The following PCDH7 variants were observed in gnomAD, a reference collection of about 807,000 sequenced individuals.
PCDH7 encodes protocadherin 7, also known as protocadherin-7.
In PCDH7, 17 loss-of-function variants were observed where a neutral mutation model predicts 58.9. The observed-to-expected ratio is 0.29, with a 90% CI of 0.20 to 0.43. The LOEUF (loss-of-function observed/expected upper bound fraction) is 0.43, where lower values mean the gene tolerates loss of function less well. Among genes scored for constraint, PCDH7 ranks in the 20% least tolerant of loss-of-function variants. The probability of loss-of-function intolerance (pLI) is 1.00; values close to 1 mark genes in which losing one functional copy is unlikely to be tolerated. For missense variants in PCDH7, 1,274 were observed against 1,441.0 expected, an observed-to-expected ratio of 0.88 and a Z score of 1.88; for synonymous variants, 664 against 616.4, an observed-to-expected ratio of 1.08 and a Z score of -1.14.
intron 1 of PCDH7, among the ~76,000 whole-genome samples, chr4:30,743,229 CAG>C (rs1489220542): frequency 1.3e-5 from 2 of 151,962 alleles, no homozygotes; most frequent in Non-Finnish European, 2.9e-5. Flanking sequence ...CCAAAAATAG[CAG>C]AGTTACATTG....
intron 3 of PCDH7, among the ~76,000 whole-genome samples, chr4:30,950,659 A>G (rs1403715018): frequency 1.3e-5 from 2 of 152,220 alleles, no homozygotes; most frequent in African/African-American, 4.8e-5. Context: ...GCACATAATT[A>G]TAATACTCAT....
At chr4:31,023,067 C>G (rs916311193) in intron 3 of PCDH7, among the ~76,000 whole-genome samples, 1 of 152,150 alleles carries the variant, frequency 6.6e-6, no homozygotes, top group African/African-American at 2.4e-5. Context: ...CAAATGTTTG[C>G]AATGGACATT....
At chr4:30,977,229 T>C (rs565786098) in intron 3 of PCDH7, among the ~76,000 whole-genome samples, 21 of 152,320 alleles carry the variant, frequency 1.4e-4, no homozygotes, top group African/African-American at 4.8e-4. Context: ...TTCTATTCTC[T>C]GGGCCACTTT....
intron 1 of PCDH7, among the ~76,000 whole-genome samples, chr4:30,894,708 G>C (rs935937688): frequency 6.7e-5 from 10 of 149,412 alleles, no homozygotes; most frequent in African/African-American, 2.5e-4. Context: ...AGAAAATTCA[G>C]ATGTTTTTAT....
chr4:30,784,758 G>A (rs759058394), intron 1 of PCDH7, among the ~76,000 whole-genome samples: 20 of 151,914 alleles, frequency 1.3e-4, no homozygotes, highest in Admixed American at 6.6e-4. Flanking sequence ...GAAATTTTAG[G>A]TTGTTAGACT....
chr4:31,038,719 T>C (rs933582158), intron 3 of PCDH7, among the ~76,000 whole-genome samples: 6 of 152,226 alleles, frequency 3.9e-5, no homozygotes, highest in Non-Finnish European at 8.8e-5. Flanking sequence ...ATTTTCAATT[T>C]ATGTTGTATG....
intron 2 of PCDH7, among the ~76,000 whole-genome samples, chr4:30,946,336 A>G (rs1396294831): frequency 6.6e-6 from 1 of 152,146 alleles, no homozygotes; most frequent in Non-Finnish European, 1.5e-5. Flanking sequence ...ATATATTAAC[A>G]TATTGCATAT....
intron 3 of PCDH7, among the ~76,000 whole-genome samples, chr4:31,064,789 C>A (rs1757952757): frequency 6.6e-6 from 1 of 151,934 alleles, no homozygotes; most frequent in Non-Finnish European, 1.5e-5. Context: ...TGAATAACAG[C>A]AAATTATGAG....
intron 3 of PCDH7, among the ~76,000 whole-genome samples, chr4:31,038,785 G>C (rs541520412): frequency 2.0e-5 from 3 of 152,062 alleles, no homozygotes; most frequent in Non-Finnish European, 4.4e-5. Context: ...ATGGACATTA[G>C]AATCCTTTCT....
chr4:31,020,217 A>G (rs964873956), intron 3 of PCDH7, among the ~76,000 whole-genome samples: 10 of 152,206 alleles, frequency 6.6e-5, no homozygotes, highest in Admixed American at 4.6e-4. Flanking sequence ...GAAAATCCCA[A>G]CACAGGTCAG....
At chr4:31,034,094 A>AAAACAAAC (rs10660538) in intron 3 of PCDH7, among the ~76,000 whole-genome samples, 31 of 151,476 alleles carry the variant, frequency 2.0e-4, no homozygotes, top group African/African-American at 5.6e-4. Flanking sequence ...ACTCTGTCTC[A>AAAACAAAC]AAACAAACAA....
At chr4:31,007,274 G>T (rs1184539693) in intron 3 of PCDH7, among the ~76,000 whole-genome samples, 3 of 151,542 alleles carry the variant, frequency 2.0e-5, no homozygotes, top group African/African-American at 7.3e-5. Context: ...AACTTAGTTA[G>T]TGTTTTTAAA....
intron 3 of PCDH7, among the ~76,000 whole-genome samples, chr4:31,050,103 C>CAGTTCCTT (rs1196499319): frequency 6.6e-6 from 1 of 152,058 alleles, no homozygotes; most frequent in African/African-American, 2.4e-5. Flanking sequence ...CAGGACTCAG[C>CAGTTCCTT]AGTTCCTTTT....
chr4:30,900,837 T>C (rs761976085), intron 1 of PCDH7, among the ~76,000 whole-genome samples: 1 of 152,118 alleles, frequency 6.6e-6, no homozygotes, highest in East Asian at 1.9e-4. Context: ...AAGTCAGGAA[T>C]GGCACTCTAT....
intron 1 of PCDH7, among the ~76,000 whole-genome samples, chr4:30,905,231 G>A (rs1191859005): frequency 2.6e-5 from 4 of 151,894 alleles, no homozygotes; most frequent in Admixed American, 2.0e-4. Flanking sequence ...TTGGTTTTTT[G>A]TCCTTGTTTA....
At chr4:31,093,380 A>C (rs576722305) in intron 3 of PCDH7, among the ~76,000 whole-genome samples, 4 of 152,250 alleles carry the variant, frequency 2.6e-5, no homozygotes, top group Non-Finnish European at 5.9e-5. Flanking sequence ...GTTTAAGAAG[A>C]AGCATAATGA....
downstream of PCDH7, among the ~76,000 whole-genome samples, chr4:30,736,383 T>A (rs2109243300): frequency 6.6e-6 from 1 of 152,264 alleles, no homozygotes; most frequent in African/African-American, 2.4e-5. Context: ...AAAGATTAAA[T>A]GGAATTAAAA....
chr4:30,830,799 A>C (rs1304040650), intron 1 of PCDH7, among the ~76,000 whole-genome samples: 1 of 152,072 alleles, frequency 6.6e-6, no homozygotes, highest in Non-Finnish European at 1.5e-5. Flanking sequence ...ATTTGATCTC[A>C]TTATTCCAAA....
chr4:30,952,497 A>T (rs1747459195), intron 3 of PCDH7, among the ~76,000 whole-genome samples: 1 of 152,062 alleles, frequency 6.6e-6, no homozygotes, highest in Non-Finnish European at 1.5e-5. Flanking sequence ...GAGAAAAAAG[A>T]AGCAAAATAA....
Sources: gnomAD v4.1 joint callset for allele counts (sites outside exome capture counted in the v4.1 genomes callset) on GRCh38, gnomAD v4.1.1 for gene constraint, MANE v1.5 for transcripts, NCBI Gene and HGNC (gene_info 2026-07-23, HGNC 2026-07-21) for gene names.